Variants in RTL4 observed in about 807,000 individuals in gnomAD.
RTL4 encodes the protein retrotransposon Gag-like protein 4.
In RTL4, 4 loss-of-function variants were observed where a neutral mutation model predicts 5.3. The observed-to-expected ratio is 0.75, with a 90% confidence interval of 0.37 to 1.72. The LOEUF (loss-of-function observed/expected upper bound fraction) is 1.72. Among genes scored for constraint, RTL4 ranks in the 40% most tolerant of loss-of-function variants. RTL4 has a pLI of 0.04. For synonymous variants in RTL4, 98 were observed against 87.3 expected, an observed-to-expected ratio of 1.12 and a Z score of -0.68; for missense variants, 260 against 227.1, an observed-to-expected ratio of 1.14 and a Z score of -0.93.
At chrX:112,364,509 A>G in the RTL4 span, among the ~76,000 whole-genome samples, 14 of 111,881 alleles carry the variant, frequency 1.3e-4, no homozygotes, top group Non-Finnish European at 2.1e-4. Flanking sequence ...CTGCATTTCA[A>G]TACAACATCT....
At chrX:112,241,776 T>C in the RTL4 span, among the ~76,000 whole-genome samples, 1 of 112,093 alleles carries the variant, frequency 8.9e-6, no homozygotes, top group South Asian at 3.7e-4. Flanking sequence ...TGCCCATGCC[T>C]ATGTCCTGAA....
At chrX:112,248,372 T>C in the RTL4 span, among the ~76,000 whole-genome samples, 1 of 112,565 alleles carries the variant, frequency 8.9e-6, no homozygotes, top group East Asian at 2.8e-4. Context: ...TTTCAGTGGA[T>C]AATTTGATAT....
chrX:112,242,774 G>A, the RTL4 span, among the ~76,000 whole-genome samples: 3 of 111,449 alleles, frequency 2.7e-5, no homozygotes, highest in South Asian at 3.8e-4. Context: ...GTCTTGTACC[G>A]GTTTTCAAAA....
At chrX:112,212,835 T>C in the RTL4 span, among the ~76,000 whole-genome samples, 1 of 112,269 alleles carries the variant, frequency 8.9e-6, no homozygotes, top group South Asian at 3.7e-4. Flanking sequence ...AGACTGTCTC[T>C]CGCTACTGAA....
At chrX:112,336,673 A>G in the RTL4 span, among the ~76,000 whole-genome samples, 2 of 112,545 alleles carry the variant, frequency 1.8e-5, no homozygotes, top group Non-Finnish European at 3.7e-5. Flanking sequence ...GTCACATGTC[A>G]TATACTCAAT....
the RTL4 span, among the ~76,000 whole-genome samples, chrX:112,176,213 T>G: frequency 5.4e-5 from 6 of 111,668 alleles, no homozygotes; most frequent in Admixed American, 4.7e-4. Flanking sequence ...CACTGCTCGA[T>G]GAAATAAAAG....
At chrX:112,211,283 A>AAG in the RTL4 span, among the ~76,000 whole-genome samples, 4 of 112,189 alleles carry the variant, frequency 3.6e-5, no homozygotes, top group Admixed American at 3.8e-4. Context: ...TAATTAAAAC[A>AAG]AGAGGACAGA....
the RTL4 span, among the ~76,000 whole-genome samples, chrX:112,298,097 G>A: frequency 3.6e-5 from 4 of 111,719 alleles, no homozygotes; most frequent in South Asian, 1.5e-3. Flanking sequence ...TCCCAGCTTT[G>A]CCATTTACTT....
chrX:112,266,590 C>T, the RTL4 span, among the ~76,000 whole-genome samples: 2 of 111,457 alleles, frequency 1.8e-5, no homozygotes, highest in South Asian at 7.7e-4. Flanking sequence ...TCCATTGATA[C>T]TGCTGGAGTC....
the RTL4 span, among the ~76,000 whole-genome samples, chrX:112,135,192 C>T: frequency 1.8e-5 from 2 of 112,013 alleles, no homozygotes; most frequent in South Asian, 7.3e-4. Context: ...TTTCTAATTG[C>T]TTTGCATCCT....
At chrX:112,214,795 GT>G in the RTL4 span, among the ~76,000 whole-genome samples, 1 of 107,734 alleles carries the variant, frequency 9.3e-6, no homozygotes, top group African/African-American at 3.4e-5. Flanking sequence ...TGTTTGTTTT[GT>G]TTTTTTTTGT....
chrX:112,150,693 G>A, the RTL4 span, among the ~76,000 whole-genome samples: 1 of 111,833 alleles, frequency 8.9e-6, no homozygotes, highest in East Asian at 2.8e-4. Flanking sequence ...TTGTTGCTTA[G>A]TATTTGCATA....
the RTL4 span, among the ~76,000 whole-genome samples, chrX:112,269,462 G>GT: frequency 9.0e-6 from 1 of 110,555 alleles, no homozygotes; most frequent in Non-Finnish European, 1.9e-5. Context: ...TGGTATCAGG[G>GT]TAAAAAAAAG....
At chrX:112,105,120 T>C in the RTL4 span, among the ~76,000 whole-genome samples, 1 of 111,874 alleles carries the variant, frequency 8.9e-6, no homozygotes. Flanking sequence ...GTTATCCAGT[T>C]TTCTCATCAT....
the RTL4 span, among the ~76,000 whole-genome samples, chrX:112,390,015 C>CTATTATTG: frequency 0.012 from 1,112 of 95,313 alleles, 16 homozygotes; most frequent in African/African-American, 0.04. Context: ...AAGTCTCCCA[C>CTATTATTG]TATTATTGTG....
the RTL4 span, among the ~76,000 whole-genome samples, chrX:112,096,894 G>A: frequency 8.9e-6 from 1 of 112,396 alleles, no homozygotes; most frequent in Non-Finnish European, 1.9e-5. Context: ...CCCAAAGTAA[G>A]CGTTTATTCT....
chrX:112,228,260 G>A, the RTL4 span, among the ~76,000 whole-genome samples: 8 of 111,136 alleles, frequency 7.2e-5, no homozygotes, highest in East Asian at 2.8e-4. Flanking sequence ...TGAGGAGAGC[G>A]GTAGCTGATG....
chrX:112,345,621 C>A, the RTL4 span, among the ~76,000 whole-genome samples: 1 of 111,496 alleles, frequency 9.0e-6, no homozygotes. Context: ...TCCAACTAAT[C>A]TGGACCTCTC....
At chrX:112,352,330 C>T in the RTL4 span, among the ~76,000 whole-genome samples, 36,806 of 109,251 alleles carry the variant, frequency 0.34, 6,217 homozygotes, top group African/African-American at 0.65. Flanking sequence ...GAAAAAAATA[C>T]TTTAATGTTC....
Sources: gnomAD v4.1 joint callset for allele counts (sites outside exome capture counted in the v4.1 genomes callset) on GRCh38, gnomAD v4.1.1 for gene constraint, MANE v1.5 for transcripts, NCBI Gene and HGNC (gene_info 2026-07-23, HGNC 2026-07-21) for gene names.